Variants in MAGOHB observed in about 807,000 individuals in gnomAD.
MAGOHB encodes protein mago nashi homolog 2.
Under a neutral mutation model 20.9 loss-of-function variants are expected in MAGOHB, and 15 were observed. The observed-to-expected ratio is 0.72, with a 90% CI of 0.48 to 1.11. The LOEUF is 1.11. MAGOHB is among the 50% of genes least tolerant of loss of function. The pLI, the probability that MAGOHB is intolerant of heterozygous loss-of-function variation, is 0.00. For missense variants in MAGOHB, 162 were observed against 177.6 expected (o/e 0.91, Z 0.50); for synonymous variants, 50 against 57.9 (o/e 0.86, Z 0.62).
In MAGOHB at chr12:10,609,857, G is replaced by T. The variant is rs145401994; in HGVS notation, c.238C>A (p.Pro80Thr). ...TGTCGGCCAACCCTATCAGGGGGAG[G>T]CCACAAAGCATCATCTTCTTTTGTA... Reference protein sequence around the residue: ...EITKEDDALWPPPDRVGRQEL... With the variant: ...EITKEDDALWTPPDRVGRQEL... The change falls in exon 3 of 5, where the codon CCT becomes ACT. Residue 80 changes from proline to threonine, a missense_variant. Coordinates refer to ENST00000320756, the MANE Select transcript of MAGOHB (RefSeq NM_018048.5). 2 of 1,611,770 alleles carry T rather than the reference G, an allele frequency of 1.2e-6. No individual in the cohort carries two copies. Among genetic ancestry groups the T allele is most frequent in the South Asian group, 1.1e-5 (1 of 90,756 alleles).
intron 1 of MAGOHB, among the ~76,000 whole-genome samples, chr12:10,611,771 A>AAAAAGAAAAG (rs71051515): frequency 8.6e-5 from 8 of 93,114 alleles, no homozygotes; most frequent in East Asian, 3.5e-4. Context: ...AAAAAAAAAA[A>AAAAAGAAAAG]AAAAGAAAAG....
intron 2 of MAGOHB, among the ~76,000 whole-genome samples, 153 bp from the exon 3 acceptor site, chr12:10,610,094 T>C (rs1865696525): frequency 1.3e-5 from 2 of 152,230 alleles, no homozygotes; most frequent in African/African-American, 4.8e-5. Flanking sequence ...CACTTATCCT[T>C]GTTACACTGC....
chr12:10,607,124 G>A (rs562133930), intron 4 of MAGOHB, among the ~76,000 whole-genome samples: 14 of 152,290 alleles, frequency 9.2e-5, no homozygotes, highest in African/African-American at 2.9e-4. Flanking sequence ...CAGATTTTGC[G>A]TCCAATAGTT....
At chr12:10,612,205 CAT>C (rs1865757930) in intron 1 of MAGOHB, among the ~76,000 whole-genome samples, 1 of 143,698 alleles carries the variant, frequency 7.0e-6, no homozygotes, top group African/African-American at 2.7e-5. Flanking sequence ...CATAACATAA[CAT>C]AACATAACAT....
chr12:10,609,120 T>G (rs1865679675), intron 3 of MAGOHB: 1 of 169,558 alleles, frequency 5.9e-6, no homozygotes, highest in Non-Finnish European at 1.3e-5. Flanking sequence ...AAATAATGCT[T>G]CTTTAAGCAG....
rs1337052372 is a variant in MAGOHB, at chr12:10,605,073, A to T, written c.*1202T>A. 1.3e-5 allele frequency: 2 copies of T among 152,068 alleles called. No individual in the cohort carries two copies. The highest frequency in any genetic ancestry group is 6.5e-5 in the Admixed American group (1 of 15,274). 9.4% of individuals were successfully genotyped at this position (152,068 alleles called of 1,614,324 possible). On this transcript the variant is annotated 3_prime_UTR_variant, in exon 5 of 5. Transcript: ENST00000320756. Reference sequence around the variant, plus strand: ...GTATAGAATCTAGGTAGGGGTAGGCATATAGGTGTTCACTTTATAGTTCTC... The same window carrying T: ...GTATAGAATCTAGGTAGGGGTAGGCTTATAGGTGTTCACTTTATAGTTCTC...
intron 3 of MAGOHB, 66 bp from the exon 4 acceptor site, chr12:10,608,002 C>A (rs1865659634): frequency 5.1e-6 from 5 of 976,724 alleles, no homozygotes. Flanking sequence ...TGTATTCTTG[C>A]TACAAGCAGA....
chr12:10,607,533 C>T (rs548666030), intron 4 of MAGOHB, among the ~76,000 whole-genome samples: 104 of 152,294 alleles, frequency 6.8e-4, no homozygotes, highest in African/African-American at 2.5e-3. Context: ...CCTAATGAGG[C>T]TGACATAATC....
intron 1 of MAGOHB, among the ~76,000 whole-genome samples, chr12:10,611,766 A>AG (rs1204553972): frequency 1.7e-4 from 26 of 149,656 alleles, no homozygotes; most frequent in Non-Finnish European, 3.4e-4. Flanking sequence ...AAAAAAAAAA[A>AG]AAAAAAAAAG....
At chr12:10,602,614 T>C (rs1292648209), downstream of MAGOHB, among the ~76,000 whole-genome samples, 2 of 152,264 alleles carry the variant, frequency 1.3e-5, no homozygotes, top group Non-Finnish European at 2.9e-5. Context: ...GTTTTGAATG[T>C]TCTGGTACTT....
intron 3 of MAGOHB, chr12:10,609,412 C>A (rs1467640543): frequency 4.5e-6 from 2 of 441,634 alleles, no homozygotes; most frequent in Non-Finnish European, 9.1e-6. Context: ...GAAATGCAAT[C>A]ATCAGTTTTA....
At chr12:10,610,763 A>T (rs1234928676) in intron 1 of MAGOHB, 83 bp from the exon 2 acceptor site, 1 of 1,176,970 alleles carries the variant, frequency 8.5e-7, no homozygotes, top group Non-Finnish European at 1.2e-6. Context: ...GAAGGTAAAG[A>T]CCATTTTATA....
rs1865585420 is a variant in MAGOHB, at chr12:10,604,252, T to TA, written c.*2022dup. 6.6e-6 allele frequency: 1 copy of TA among 152,178 alleles called. No individual in the cohort carries two copies. Among genetic ancestry groups the TA allele is most frequent in the African/African-American group, 2.4e-5 (1 of 41,430 alleles). The allele number at this position is 152,178 out of a possible 1,614,324, so 9.4% of individuals were successfully genotyped here. A position where few individuals can be genotyped will look rare whatever the true frequency, so the allele number is the denominator to read the frequency against. On this transcript the variant is annotated 3_prime_UTR_variant, in exon 5 of 5. Transcript: ENST00000320756. The stretch of plus-strand genomic sequence containing the variant: ...TAAAAGGAACATAACCTGAGCGCAA[T>TA]AAAAATCTAGTTTCATATAAAACTA...
chr12:10,602,440 G>A (rs1396821355), downstream of MAGOHB, among the ~76,000 whole-genome samples: 1 of 152,108 alleles, frequency 6.6e-6, no homozygotes, highest in African/African-American at 2.4e-5. Flanking sequence ...TGCTGGAAAA[G>A]GCAAATTTCT....
chr12:10,601,141 T>C (rs1489017341), downstream of MAGOHB, among the ~76,000 whole-genome samples: 35 of 152,130 alleles, frequency 2.3e-4, no homozygotes, highest in Admixed American at 2.2e-3. Flanking sequence ...AGGAAGTTAG[T>C]TCTGTGAGAG....
intron 1 of MAGOHB, chr12:10,613,048 C>T (rs1865777555): frequency 1.2e-6 from 1 of 867,824 alleles, no homozygotes. Context: ...CGTTGGGCTC[C>T]TCCCCTTCAA....
Position 10,607,884 on chromosome 12 carries a change from AT to A in MAGOHB, c.316del (p.Ile106Ter). ...DEHISFTTSK[I>X]GSLIDVNQSK... ...CTGATTTACATCAATAAGAGAACCT[AT>A]TTTTGATGTGGTAAAAGATATGTGC... On this transcript the variant is annotated frameshift_variant, in exon 4 of 5. Coordinates refer to ENST00000320756, the MANE Select transcript of MAGOHB (RefSeq NM_018048.5). LOFTEE classifies it high-confidence loss of function. The A allele has an allele frequency of 6.3e-7, 1 of 1,594,948 alleles. No individual in the cohort carries two copies. Among genetic ancestry groups the A allele is most frequent in the Non-Finnish European group, 8.5e-7 (1 of 1,170,368 alleles).
At chr12:10,612,212 T>TAACATAACA (rs1181048399) in intron 1 of MAGOHB, among the ~76,000 whole-genome samples, 119 of 148,474 alleles carry the variant, frequency 8.0e-4, no homozygotes, top group African/African-American at 2.8e-3. Flanking sequence ...TAACATAACA[T>TAACATAACA]AACATAACAT....
intron 1 of MAGOHB, among the ~76,000 whole-genome samples, chr12:10,611,212 A>T (rs1017496398): frequency 1.3e-5 from 2 of 152,104 alleles, no homozygotes; most frequent in African/African-American, 2.4e-5. Flanking sequence ...TCTTTTAAAA[A>T]TTTTTTTCCT....
Sources: gnomAD v4.1 joint callset for allele counts (sites outside exome capture counted in the v4.1 genomes callset) on GRCh38, gnomAD v4.1.1 for gene constraint, MANE v1.5 for transcripts, NCBI Gene and HGNC (gene_info 2026-07-23, HGNC 2026-07-21) for gene names.